The following TRAPPC9 variants were observed in gnomAD, a reference collection of about 807,000 sequenced individuals.
The protein encoded by TRAPPC9 is trafficking protein particle complex subunit 9, also known as IKK2 binding protein.
A neutral mutation model predicts 124.0 loss-of-function variants in TRAPPC9; 83 were observed. That is an observed-to-expected ratio of 0.67 (90% CI 0.56 to 0.80). The LOEUF (loss-of-function observed/expected upper bound fraction) is 0.80. Ranked by LOEUF, TRAPPC9 falls within the 30% of genes least tolerant of loss-of-function variation. The probability of loss-of-function intolerance (pLI) is 0.00; values close to 1 mark genes in which losing one functional copy is unlikely to be tolerated. For synonymous variants in TRAPPC9, 638 were observed against 617.5 expected (o/e 1.03, Z -0.49); for missense variants, 1,302 against 1,508.3 (o/e 0.86, Z 2.27).
chr8:140,147,822 A>C (rs2061485353), intron 17 of TRAPPC9, among the ~76,000 whole-genome samples: 1 of 152,284 alleles, frequency 6.6e-6, no homozygotes, highest in Non-Finnish European at 1.5e-5. Context: ...TAGAGACCTC[A>C]GCAAAGCAAC....
intron 12 of TRAPPC9, among the ~76,000 whole-genome samples, chr8:140,288,744 T>C (rs1474074046): frequency 6.6e-6 from 1 of 152,078 alleles, no homozygotes; most frequent in East Asian, 1.9e-4. Flanking sequence ...CAATAAGCAA[T>C]TGGGTAAAAT....
At position 139,941,176 on chromosome 8, in the gene TRAPPC9, C is replaced by T. The variant is rs558114195; in HGVS notation, c.2811-30876G>A. 5.3e-4 allele frequency among the ~76,000 whole-genome samples: 80 copies of T among 152,320 alleles called. 1 individual carries two copies. The South Asian group carries it at 0.011, about 21-fold the overall frequency. On this transcript the variant is annotated intron_variant, in intron 19 of 22. Transcript: ENST00000438773. ...AGGCACGATTGGCTAGTCTTCAGAG[C>T]GGGTGGGCATCCTCCCCGGCCCTCA...
intron 15 of TRAPPC9, among the ~76,000 whole-genome samples, chr8:140,272,416 G>GGTGATGGTGGTGATGGTA (rs1323457743): frequency 6.7e-6 from 1 of 148,658 alleles, no homozygotes; most frequent in Non-Finnish European, 1.5e-5. Context: ...TAATGGTGAT[G>GGTGATGGTGGTGATGGTA]GTGATGGTGG....
chr8:140,028,383 C>A (rs1239346073), intron 17 of TRAPPC9, among the ~76,000 whole-genome samples: 2 of 152,152 alleles, frequency 1.3e-5, no homozygotes, highest in Non-Finnish European at 2.9e-5. Flanking sequence ...ACATGAAAGG[C>A]CTGTCAGTAG....
At chr8:139,853,441 A>G (rs1298561043) in intron 21 of TRAPPC9, among the ~76,000 whole-genome samples, 1 of 152,202 alleles carries the variant, frequency 6.6e-6, no homozygotes, top group Non-Finnish European at 1.5e-5. Context: ...TCTGCCCCAC[A>G]GGTGGAAGGG....
intron 21 of TRAPPC9, among the ~76,000 whole-genome samples, chr8:139,843,553 A>C (rs188910937): frequency 2.6e-5 from 4 of 152,370 alleles, no homozygotes; most frequent in Admixed American, 2.6e-4. Context: ...GGAGACAGGA[A>C]GCTCATCCTG....
intron 7 of TRAPPC9, among the ~76,000 whole-genome samples, chr8:140,391,968 G>A (rs1250645390): frequency 6.6e-6 from 1 of 151,848 alleles, no homozygotes; most frequent in African/African-American, 2.4e-5. Context: ...AGAAGTTGCA[G>A]TGAGCTGAGA....
chr8:140,027,187 TGAA>T (rs1260165261), intron 17 of TRAPPC9, among the ~76,000 whole-genome samples: 1 of 152,232 alleles, frequency 6.6e-6, no homozygotes, highest in Non-Finnish European at 1.5e-5. Context: ...CAGTACAAGA[TGAA>T]GAAGATGTAG....
chr8:140,434,143 AC>A (rs2070737410), intron 4 of TRAPPC9, among the ~76,000 whole-genome samples: 1 of 152,108 alleles, frequency 6.6e-6, no homozygotes, highest in Non-Finnish European at 1.5e-5. Flanking sequence ...GGGTATTTAG[AC>A]CCAAGAAGAT....
chr8:140,052,692 G>A (rs941989173), intron 17 of TRAPPC9, among the ~76,000 whole-genome samples: 15 of 151,972 alleles, frequency 9.9e-5, no homozygotes, highest in African/African-American at 3.6e-4. Context: ...TGAGGCAGGA[G>A]AATTGCTTGA....
intron 19 of TRAPPC9, chr8:139,911,282 T>C (rs1831712951): frequency 6.6e-6 from 1 of 152,274 alleles, no homozygotes; most frequent in Admixed American, 6.5e-5. Flanking sequence ...TTGTGAGGCT[T>C]CTCCAGCAAC....
rs559828056 is a variant in TRAPPC9 at position 139,730,692 on chromosome 8, C to T, written c.*369G>A. Reference sequence around the variant, plus strand: ...CTATGGCCAAAGGGAAGTCGCTGGACGAGGGAGGTCCCTCTGCTGGGATGA... The same window carrying T: ...CTATGGCCAAAGGGAAGTCGCTGGATGAGGGAGGTCCCTCTGCTGGGATGA... On this transcript the variant is annotated 3_prime_UTR_variant, in exon 23 of 23. Coordinates refer to ENST00000438773, the MANE Select transcript of TRAPPC9 (RefSeq NM_001160372.4). The T allele has an allele frequency of 4.5e-5, 12 of 266,570 alleles. No homozygotes were observed. The highest frequency in any genetic ancestry group is 1.2e-4 in the South Asian group (2 of 17,108). The allele number at this position is 266,570 out of a possible 1,614,324, so 16.5% of individuals were successfully genotyped here.
At chr8:140,016,775 T>C (rs549094000) in intron 18 of TRAPPC9, among the ~76,000 whole-genome samples, 1 of 152,210 alleles carries the variant, frequency 6.6e-6, no homozygotes, top group Non-Finnish European at 1.5e-5. Flanking sequence ...TTTTTGTGGA[T>C]GTGGACTTAT....
intron 21 of TRAPPC9, among the ~76,000 whole-genome samples, chr8:139,746,338 A>C (rs1818883840): frequency 1.3e-5 from 2 of 152,238 alleles, no homozygotes; most frequent in Non-Finnish European, 2.9e-5. Context: ...AGTCCAGACC[A>C]AGGGGACTTA....
chr8:140,297,178 C>T (rs1300746336), intron 11 of TRAPPC9, among the ~76,000 whole-genome samples: 2 of 152,196 alleles, frequency 1.3e-5, no homozygotes, highest in African/African-American at 2.4e-5. Flanking sequence ...TCATCCACCA[C>T]GTCTACCCAG....
chr8:140,239,795 A>G (rs1445213414), intron 16 of TRAPPC9, among the ~76,000 whole-genome samples: 2 of 152,244 alleles, frequency 1.3e-5, no homozygotes, highest in Non-Finnish European at 2.9e-5. Flanking sequence ...AATTGCAAAG[A>G]GAAAAAGAAA....
intron 7 of TRAPPC9, among the ~76,000 whole-genome samples, chr8:140,383,611 G>GA (rs1281390445): frequency 1.3e-5 from 2 of 152,124 alleles, no homozygotes; most frequent in Non-Finnish European, 2.9e-5. Flanking sequence ...GAAGTTTAGA[G>GA]AAAAAAGAAT....
At chr8:139,843,935 C>T (rs1281167898) in intron 21 of TRAPPC9, among the ~76,000 whole-genome samples, 1 of 152,234 alleles carries the variant, frequency 6.6e-6, no homozygotes, top group Non-Finnish European at 1.5e-5. Context: ...GCTGCGGACT[C>T]CAGCGCTGGG....
At position 140,104,236 on chromosome 8, in the gene TRAPPC9, T is replaced by C. The variant is rs1452329284; in HGVS notation, c.2557-80157A>G. On this transcript the variant is annotated intron_variant, in intron 17 of 22. Coordinates refer to ENST00000438773, the MANE Select transcript of TRAPPC9 (RefSeq NM_001160372.4). The surrounding 1 kb of genome is among the most constrained non-coding windows in gnomAD (Gnocchi z 4.0). The stretch of plus-strand genomic sequence containing the variant: ...GGGCTGTCGGCTGTAAGCATAGAGC[T>C]ATGGAGCCAGATGAAAGACCTCTGC... 6.6e-6 allele frequency among the ~76,000 whole-genome samples: 1 copy of C among 152,016 alleles called. No individual in the cohort carries two copies. Among genetic ancestry groups the C allele is most frequent in the Non-Finnish European group, 1.5e-5 (1 of 68,006 alleles).
Sources: allele counts gnomAD v4.1 joint callset (sites outside exome capture counted in the v4.1 genomes callset), GRCh38; gene constraint gnomAD v4.1.1; non-coding constraint Gnocchi (gnomAD v3.1); transcripts MANE v1.5; gene names NCBI Gene and HGNC (gene_info 2026-07-23, HGNC 2026-07-21).